Variants in GLIS3 observed in about 807,000 individuals in gnomAD.
GLIS3 encodes the protein zinc finger protein GLIS3.
In GLIS3, 53 loss-of-function variants were observed where a neutral mutation model predicts 78.6. The ratio of observed to expected loss-of-function variants is 0.67; its 90% CI spans 0.54 to 0.85. The LOEUF (loss-of-function observed/expected upper bound fraction) is 0.85. Ranked by LOEUF, GLIS3 falls within the 40% of genes least tolerant of loss-of-function variation. The pLI, the probability that GLIS3 is intolerant of heterozygous loss-of-function variation, is 0.00. For missense variants in GLIS3, 1,703 were observed against 1,231.1 expected (o/e 1.38, Z -5.74); for synonymous variants, 684 against 509.9 (o/e 1.34, Z -4.60).
chr9:4,236,273 G>A (rs1409294409), intron 2 of GLIS3, among the ~76,000 whole-genome samples: 2 of 151,294 alleles, frequency 1.3e-5, no homozygotes, highest in African/African-American at 4.9e-5. Flanking sequence ...TTCTGAAGGT[G>A]AGAAGGAGCC....
chr9:4,277,115 C>T (rs1385073428), intron 2 of GLIS3, among the ~76,000 whole-genome samples: 1 of 152,146 alleles, frequency 6.6e-6, no homozygotes, highest in Admixed American at 6.6e-5. Flanking sequence ...ACCCCAATCT[C>T]CACTATTATC....
intron 4 of GLIS3, among the ~76,000 whole-genome samples, chr9:4,034,363 A>T (rs557372921): frequency 6.6e-6 from 1 of 152,328 alleles, no homozygotes; most frequent in East Asian, 1.9e-4. Context: ...TTATATTTTC[A>T]ATTAAACCAG....
intron 4 of GLIS3, among the ~76,000 whole-genome samples, chr9:4,107,650 C>T (rs1179891970): frequency 6.6e-6 from 1 of 151,560 alleles, no homozygotes; most frequent in African/African-American, 2.4e-5. Context: ...TGTTACTGCC[C>T]AAGAGTATCT....
At chr9:4,149,305 G>A (rs111316363) in intron 2 of GLIS3, among the ~76,000 whole-genome samples, 2,025 of 152,238 alleles carry the variant, frequency 0.013, 42 homozygotes, top group African/African-American at 0.046. Context: ...CACAGGGGAG[G>A]AAAACTAAGG....
the GLIS3 span, among the ~76,000 whole-genome samples, chr9:4,459,304 G>A: frequency 6.6e-6 from 1 of 152,236 alleles, no homozygotes; most frequent in Non-Finnish European, 1.5e-5. Context: ...AGCAAAGACA[G>A]CCCAAGGTAG....
chr9:4,271,816 A>C (rs1297067861), intron 2 of GLIS3, among the ~76,000 whole-genome samples: 2 of 152,144 alleles, frequency 1.3e-5, no homozygotes, highest in Non-Finnish European at 2.9e-5. Flanking sequence ...CTGACATCCC[A>C]ACAGTACATA....
At chr9:4,249,789 T>C (rs1824176341) in intron 2 of GLIS3, among the ~76,000 whole-genome samples, 1 of 152,252 alleles carries the variant, frequency 6.6e-6, no homozygotes, top group Non-Finnish European at 1.5e-5. Context: ...TTGAGATACA[T>C]TTCATCGATA....
At chr9:4,375,416 T>C in the GLIS3 span, among the ~76,000 whole-genome samples, 1 of 152,240 alleles carries the variant, frequency 6.6e-6, no homozygotes, top group Admixed American at 6.5e-5. Context: ...TAATGAAGGA[T>C]GAAAACAATT....
At chr9:3,876,617 CAAAG>C (rs540687541) in intron 8 of GLIS3, among the ~76,000 whole-genome samples, 2 of 63,058 alleles carry the variant, frequency 3.2e-5, no homozygotes, top group South Asian at 1.2e-3. Flanking sequence ...GGCAGGAAAA[CAAAG>C]AATCACCAAA....
At position 4,050,161 on chromosome 9, in the gene GLIS3, C is replaced by T. The variant is rs534594829; in HGVS notation, c.1710+67607G>A. ...GACACATGCACACGTATGTTTATTG[C>T]GGCCTATTCACCATAGCAAAGACTT... is the stretch of plus-strand genomic sequence containing the variant. On this transcript the variant is annotated intron_variant, in intron 4 of 10. Coordinates refer to ENST00000381971, the MANE Select transcript of GLIS3 (RefSeq NM_001042413.2). 1.0e-3 allele frequency among the ~76,000 whole-genome samples: 152 copies of T among 151,006 alleles called. 1 individual carries two copies. The highest frequency in any genetic ancestry group is 1.8e-3 in the Non-Finnish European group (120 of 67,996).
At chr9:3,894,882 C>G (rs958430782) in intron 7 of GLIS3, among the ~76,000 whole-genome samples, 4 of 152,164 alleles carry the variant, frequency 2.6e-5, no homozygotes, top group African/African-American at 7.2e-5. Flanking sequence ...TGTGTTAGCT[C>G]ATCCTTGATG....
intron 2 of GLIS3, among the ~76,000 whole-genome samples, chr9:4,129,893 C>G (rs1832845182): frequency 6.6e-6 from 1 of 152,096 alleles, no homozygotes. Flanking sequence ...CTAGAGACTG[C>G]CCGAATTATG....
At chr9:4,428,052 G>A in the GLIS3 span, among the ~76,000 whole-genome samples, 4 of 151,832 alleles carry the variant, frequency 2.6e-5, no homozygotes, top group Admixed American at 1.3e-4. Context: ...TTCCAGTGCC[G>A]GGAATAGCAT....
At chr9:3,915,044 G>C (rs1195861361) in intron 6 of GLIS3, among the ~76,000 whole-genome samples, 1 of 151,984 alleles carries the variant, frequency 6.6e-6, no homozygotes, top group African/African-American at 2.4e-5. Context: ...ATGACCTTTT[G>C]ATGCTTTGGT....
chr9:3,828,537 C>T (rs1817855868), intron 10 of GLIS3, 129 bp from the exon 11 acceptor site: 6 of 1,169,612 alleles, frequency 5.1e-6, no homozygotes, highest in South Asian at 1.3e-5. Context: ...CCAGCCTGGG[C>T]CCTATAGTGA....
At chr9:4,467,221 C>T in the GLIS3 span, among the ~76,000 whole-genome samples, 2 of 152,174 alleles carry the variant, frequency 1.3e-5, no homozygotes, top group African/African-American at 2.4e-5. Context: ...AATAGCTGAA[C>T]AAAAGGTAGC....
At chr9:4,244,210 A>G (rs769362336) in intron 2 of GLIS3, among the ~76,000 whole-genome samples, 24 of 152,142 alleles carry the variant, frequency 1.6e-4, no homozygotes, top group Admixed American at 1.1e-3. Context: ...CTCTCAATCA[A>G]CTCACCAGAA....
intron 2 of GLIS3, among the ~76,000 whole-genome samples, chr9:4,222,405 AC>A (rs1821407626): frequency 6.6e-6 from 1 of 152,154 alleles, no homozygotes; most frequent in Non-Finnish European, 1.5e-5. Context: ...TCATCTTAGG[AC>A]CTAGAAAATG....
chr9:4,182,675 T>C (rs1817437335), intron 2 of GLIS3, among the ~76,000 whole-genome samples: 1 of 152,158 alleles, frequency 6.6e-6, no homozygotes, highest in Non-Finnish European at 1.5e-5. Flanking sequence ...GAGTCATGGT[T>C]CTCCCAATAA....
Sources: allele counts gnomAD v4.1 joint callset (sites outside exome capture counted in the v4.1 genomes callset), GRCh38; gene constraint gnomAD v4.1.1; transcripts MANE v1.5; gene names NCBI Gene and HGNC (gene_info 2026-07-23, HGNC 2026-07-21).